The following SAXO5 variants were observed in gnomAD, a reference collection of about 807,000 sequenced individuals.
The protein encoded by SAXO5 is testis expressed 45.
At chr19:7,506,394 T>G in the SAXO5 span, 2 of 510,186 alleles carry the variant, frequency 3.9e-6, no homozygotes, top group Non-Finnish European at 3.5e-6. Context: ...CCACCCCCAA[T>G]TGACCAGAAC....
chr19:7,506,172 G>T, the SAXO5 span: 1 of 1,578,388 alleles, frequency 6.3e-7, no homozygotes, highest in Non-Finnish European at 8.6e-7. Flanking sequence ...GGCGGTGAGC[G>T]CTCCCGGGAA....
At chr19:7,503,503 G>C in the SAXO5 span, among the ~76,000 whole-genome samples, 1 of 151,920 alleles carries the variant, frequency 6.6e-6, no homozygotes, top group Non-Finnish European at 1.5e-5. Context: ...GTGTGTTTTT[G>C]AGACAGAATC....
the SAXO5 span, chr19:7,505,244 A>G: frequency 1.4e-6 from 2 of 1,381,922 alleles, no homozygotes; most frequent in Non-Finnish European, 2.1e-6. Context: ...CAGCCTCCCA[A>G]AGTGCTGAGA....
chr19:7,498,393 CTTTTTTTT>C, the SAXO5 span, among the ~76,000 whole-genome samples: 2 of 115,354 alleles, frequency 1.7e-5, no homozygotes, highest in African/African-American at 3.2e-5. Context: ...GTATTTTTTT[CTTTTTTTT>C]TTTTTTTTTT....
At chr19:7,499,938 G>GTAA in the SAXO5 span, 3 of 141,836 alleles carry the variant, frequency 2.1e-5, no homozygotes, top group African/African-American at 8.5e-5. Context: ...TAATTTGTGT[G>GTAA]TGTGTGTGTG....
At chr19:7,497,655 C>G in the SAXO5 span, 10 of 152,192 alleles carry the variant, frequency 6.6e-5, no homozygotes, top group Non-Finnish European at 1.2e-4. Flanking sequence ...TTTTCTAAAA[C>G]TCATTGATTC....
chr19:7,505,142 C>A, the SAXO5 span, among the ~76,000 whole-genome samples: 19 of 152,220 alleles, frequency 1.2e-4, no homozygotes, highest in Non-Finnish European at 2.5e-4. Context: ...TGCCACCATG[C>A]CCGGCTAATT....
the SAXO5 span, chr19:7,506,854 T>C: frequency 7.5e-6 from 4 of 532,188 alleles, no homozygotes; most frequent in Non-Finnish European, 6.8e-6. Context: ...TCCTCCCTCT[T>C]TCCCAGCTCC....
At chr19:7,503,399 C>T in the SAXO5 span, among the ~76,000 whole-genome samples, 1 of 152,054 alleles carries the variant, frequency 6.6e-6, no homozygotes, top group African/African-American at 2.4e-5. Flanking sequence ...GAGAGATACT[C>T]AGTCCTGGAA....
chr19:7,506,382 T>G, the SAXO5 span: 4 of 510,682 alleles, frequency 7.8e-6, no homozygotes, highest in Non-Finnish European at 1.0e-5. Flanking sequence ...AAAGGCTAAA[T>G]CCCACCCCCA....
chr19:7,505,180 A>C, the SAXO5 span: 1 of 729,854 alleles, frequency 1.4e-6, no homozygotes, highest in South Asian at 1.6e-5. Context: ...ATGGGGTTTC[A>C]CCATTTTTGC....
At chr19:7,498,154 AAC>A in the SAXO5 span, among the ~76,000 whole-genome samples, 26 of 133,590 alleles carry the variant, frequency 1.9e-4, no homozygotes, top group African/African-American at 6.9e-4. Flanking sequence ...GTTTCATTAA[AAC>A]ACACACACAC....
chr19:7,507,147 G>T, the SAXO5 span: 1 of 1,612,970 alleles, frequency 6.2e-7, no homozygotes, highest in Non-Finnish European at 8.5e-7. Context: ...AGCGGGTAAG[G>T]GAGGCGGAGG....
the SAXO5 span, chr19:7,506,463 C>T: frequency 2.1e-6 from 1 of 465,766 alleles, no homozygotes; most frequent in African/African-American, 2.0e-5. Context: ...CCCTTCATAA[C>T]TCCATCCTTC....
At chr19:7,505,305 A>T in the SAXO5 span, 1 of 1,610,872 alleles carries the variant, frequency 6.2e-7, no homozygotes, top group Non-Finnish European at 8.5e-7. Context: ...TTCTTGATGG[A>T]ATAATACACT....
the SAXO5 span, chr19:7,506,621 T>A: frequency 1.1e-5 from 4 of 354,048 alleles, no homozygotes; most frequent in South Asian, 6.7e-5. Context: ...CCCCTGACCT[T>A]CTTAGCCCTA....
the SAXO5 span, among the ~76,000 whole-genome samples, chr19:7,498,266 G>A: frequency 1.3e-5 from 2 of 151,540 alleles, no homozygotes; most frequent in African/African-American, 4.8e-5. Context: ...GCTGGAGTGC[G>A]GTAGCGTGGT....
At chr19:7,498,170 T>TACACACACACAC in the SAXO5 span, among the ~76,000 whole-genome samples, 453 of 142,504 alleles carry the variant, frequency 3.2e-3, 6 homozygotes, top group African/African-American at 9.1e-3. Flanking sequence ...CACACACACA[T>TACACACACACAC]ACACACACAC....
chr19:7,501,062 G>A, the SAXO5 span: 1 of 1,504,512 alleles, frequency 6.6e-7, no homozygotes, highest in Non-Finnish European at 8.8e-7. Flanking sequence ...AGCGCGTGTC[G>A]GAGGCGCACC....
Sources: allele counts gnomAD v4.1 joint callset (sites outside exome capture counted in the v4.1 genomes callset), GRCh38; gene constraint gnomAD v4.1.1; transcripts MANE v1.5; gene names NCBI Gene and HGNC (gene_info 2026-07-23, HGNC 2026-07-21).